Variants in RORA observed in about 807,000 individuals in gnomAD.
The protein encoded by RORA is nuclear receptor ROR-alpha.
In RORA, 7 loss-of-function variants were observed where a neutral mutation model predicts 69.5. The ratio of observed to expected loss-of-function variants is 0.10; its 90% CI spans 0.06 to 0.19. The LOEUF is 0.19. Among genes scored for constraint, RORA ranks in the 10% least tolerant of loss-of-function variants. RORA has a pLI of 1.00. For synonymous variants in RORA, 261 were observed against 240.8 expected (o/e 1.08, Z -0.78); for missense variants, 457 against 663.0 (o/e 0.69, Z 3.41).
chr15:61,049,997 A>G lies in RORA; in HGVS notation c.166+179056T>C, dbSNP rs1276365898. Among the ~76,000 whole-genome samples the G allele has an allele frequency of 2.0e-5, 3 of 152,148 alleles. No homozygotes were observed. In the East Asian group the frequency reaches 5.8e-4, roughly 29 times the overall value. On this transcript the variant is annotated intron_variant, in intron 1 of 10. Transcript: ENST00000335670. ...ACTGCAGGACTTCTCAGAGGCTTTT[A>G]ATATGGTAATGAGTGCTGTGCAGTG...
intron 2 of RORA, among the ~76,000 whole-genome samples, chr15:60,670,319 C>A (rs527248894): frequency 6.6e-5 from 10 of 151,458 alleles, no homozygotes; most frequent in Admixed American, 1.3e-4. Context: ...AAGCGATTAT[C>A]CTGCCTCAGC....
intron 1 of RORA, among the ~76,000 whole-genome samples, chr15:61,021,366 T>C (rs942957064): frequency 6.6e-6 from 1 of 152,212 alleles, no homozygotes; most frequent in African/African-American, 2.4e-5. Context: ...AAACTTAGAA[T>C]TGTCCTTTTC....
intron 2 of RORA, among the ~76,000 whole-genome samples, chr15:60,561,450 T>C (rs1376044740): frequency 6.6e-6 from 1 of 152,098 alleles, no homozygotes; most frequent in Non-Finnish European, 1.5e-5. Flanking sequence ...ATAATTGTGA[T>C]GACAAGAAAG....
At chr15:60,819,767 A>ACACACACACGCG (rs1438889109) in intron 1 of RORA, among the ~76,000 whole-genome samples, 10,491 of 147,578 alleles carry the variant, frequency 0.071, 516 homozygotes, top group Middle Eastern at 0.15. Context: ...ACACACACAC[A>ACACACACACGCG]CACACACACA....
intron 1 of RORA, among the ~76,000 whole-genome samples, chr15:60,708,733 T>C (rs528683293): frequency 9.9e-4 from 151 of 152,284 alleles, no homozygotes; most frequent in African/African-American, 3.4e-3. Context: ...ATAGCGGCAA[T>C]AGAGCAGCTA....
At chr15:60,887,824 G>A (rs1358010437) in intron 1 of RORA, among the ~76,000 whole-genome samples, 1 of 152,174 alleles carries the variant, frequency 6.6e-6, no homozygotes, top group Non-Finnish European at 1.5e-5. Flanking sequence ...AGGAGAAGAT[G>A]TGGAGGTTCC....
rs1376115277 is a variant in RORA, at chr15:61,061,346, T to G, written c.166+167707A>C. ...CGTGCAGGGAGACAGAGCGAGGCTC[T>G]ATCTTAAAAAATAAATAAATAAATA... On this transcript the variant is annotated intron_variant, in intron 1 of 10. Transcript: ENST00000335670. The surrounding 1 kb of genome is among the most constrained non-coding windows in gnomAD (Gnocchi z 4.4). Among the ~76,000 whole-genome samples the G allele has an allele frequency of 7.0e-6, 1 of 141,896 alleles. No homozygotes were observed. The highest frequency in any genetic ancestry group is 2.0e-4 in the East Asian group (1 of 5,004). 93.1% of individuals were successfully genotyped at this position (141,896 alleles called of 152,430 possible). A position where few individuals can be genotyped will look rare whatever the true frequency, so the allele number is the denominator to read the frequency against.
At chr15:61,169,816 T>A (rs902553010) in intron 1 of RORA, among the ~76,000 whole-genome samples, 9 of 152,102 alleles carry the variant, frequency 5.9e-5, no homozygotes, top group African/African-American at 2.2e-4. Flanking sequence ...ACAGGGCACC[T>A]GGGAAGAAAA....
At chr15:61,173,789 G>A (rs763869073) in intron 1 of RORA, among the ~76,000 whole-genome samples, 2 of 152,154 alleles carry the variant, frequency 1.3e-5, no homozygotes, top group African/African-American at 4.8e-5. Flanking sequence ...CCGAGTAGCT[G>A]GGACTATAGG....
chr15:60,921,271 G>A (rs1247955620), intron 1 of RORA, among the ~76,000 whole-genome samples: 3 of 152,064 alleles, frequency 2.0e-5, no homozygotes, highest in Non-Finnish European at 4.4e-5. Flanking sequence ...CCCCAAAATG[G>A]AAATACCACT....
chr15:60,590,398 C>A (rs2068464677), intron 2 of RORA, among the ~76,000 whole-genome samples: 2 of 152,134 alleles, frequency 1.3e-5, no homozygotes, highest in Admixed American at 1.3e-4. Flanking sequence ...AAAGCAAAAG[C>A]CTATGTACTA....
intron 1 of RORA, among the ~76,000 whole-genome samples, chr15:60,945,773 G>C (rs1892851985): frequency 6.6e-6 from 1 of 152,234 alleles, no homozygotes; most frequent in Admixed American, 6.5e-5. Flanking sequence ...CACATGATGA[G>C]ACCTGAAATC....
At chr15:60,949,591 G>C (rs758042330) in intron 1 of RORA, among the ~76,000 whole-genome samples, 1 of 152,268 alleles carries the variant, frequency 6.6e-6, no homozygotes, top group South Asian at 2.1e-4. Flanking sequence ...CTCTGAGCTG[G>C]ACACTCCACT....
chr15:60,826,331 C>A (rs906367565), intron 1 of RORA, among the ~76,000 whole-genome samples: 13 of 152,334 alleles, frequency 8.5e-5, no homozygotes, highest in African/African-American at 2.9e-4. Flanking sequence ...CCACACCTGA[C>A]CTGGTCAGCA....
At chr15:61,053,405 G>A (rs1449270201) in intron 1 of RORA, among the ~76,000 whole-genome samples, 1 of 152,082 alleles carries the variant, frequency 6.6e-6, no homozygotes, top group Non-Finnish European at 1.5e-5. Flanking sequence ...CTGTCCAGAT[G>A]TAATTAGGCC....
intron 2 of RORA, among the ~76,000 whole-genome samples, chr15:60,536,871 G>A (rs1334285411): frequency 6.6e-6 from 1 of 152,188 alleles, no homozygotes; most frequent in Non-Finnish European, 1.5e-5. Flanking sequence ...TCTGTTGATG[G>A]TGTTTTTTTC....
intron 1 of RORA, among the ~76,000 whole-genome samples, chr15:60,842,399 A>G (rs530788594): frequency 1.3e-5 from 2 of 152,300 alleles, no homozygotes; most frequent in South Asian, 2.1e-4. Flanking sequence ...AGCATTAATC[A>G]TAATAGATAT....
intron 1 of RORA, among the ~76,000 whole-genome samples, chr15:60,731,804 T>C (rs1040643227): frequency 5.3e-5 from 8 of 152,218 alleles, no homozygotes; most frequent in African/African-American, 1.7e-4. Flanking sequence ...GGAGTCATCA[T>C]CTCCATTATT....
chr15:60,834,741 T>G lies in RORA; in HGVS notation c.167-156055A>C, dbSNP rs1199539387. ...CCCCGATGAGGGGCTGCGCATTTGT[T>G]GAGGGGAAGTCATTTTGTTCGCATC... On this transcript the variant is annotated intron_variant, in intron 1 of 10. Transcript: ENST00000335670. Among the ~76,000 whole-genome samples, 3 of 152,298 alleles carry G rather than the reference T, an allele frequency of 2.0e-5. No homozygotes were observed. The East Asian group carries it at 5.8e-4, about 29-fold the overall frequency.
Sources: allele counts gnomAD v4.1 joint callset (sites outside exome capture counted in the v4.1 genomes callset), GRCh38; gene constraint gnomAD v4.1.1; non-coding constraint Gnocchi (gnomAD v3.1); transcripts MANE v1.5; gene names NCBI Gene and HGNC (gene_info 2026-07-23, HGNC 2026-07-21).